The following SMYD3 variants were observed in gnomAD, a reference collection of about 807,000 sequenced individuals.
SMYD3 encodes the protein histone-lysine N-methyltransferase SMYD3.
A neutral mutation model predicts 57.7 loss-of-function variants in SMYD3; 36 were observed. The ratio of observed to expected loss-of-function variants is 0.62; its 90% CI spans 0.48 to 0.82. SMYD3 has a LOEUF of 0.82. Among genes scored for constraint, SMYD3 ranks in the 40% least tolerant of loss-of-function variants. The pLI, the probability that SMYD3 is intolerant of heterozygous loss-of-function variation, is 0.00. For synonymous variants in SMYD3, 211 were observed against 195.0 expected, an observed-to-expected ratio of 1.08 and a Z score of -0.68; for missense variants, 515 against 538.8, an observed-to-expected ratio of 0.96 and a Z score of 0.44.
chr1:245,817,183 C>T (rs570679786), intron 10 of SMYD3, among the ~76,000 whole-genome samples: 27 of 149,260 alleles, frequency 1.8e-4, no homozygotes, highest in African/African-American at 3.0e-4. Context: ...GTTCTCCCAG[C>T]ACGCAGCTGG....
At chr1:246,185,078 G>C (rs112823998) in intron 5 of SMYD3, among the ~76,000 whole-genome samples, 139 of 152,306 alleles carry the variant, frequency 9.1e-4, no homozygotes, top group African/African-American at 3.2e-3. Context: ...AAAAGTCACA[G>C]ACTTCAATAA....
intron 1 of SMYD3, among the ~76,000 whole-genome samples, chr1:246,427,973 G>A (rs1462410438): frequency 6.6e-6 from 1 of 152,148 alleles, no homozygotes; most frequent in East Asian, 1.9e-4. Flanking sequence ...ACATGAAAAT[G>A]GGGGATATCT....
At chr1:246,210,723 CA>C (rs969654680) in intron 5 of SMYD3, among the ~76,000 whole-genome samples, 2 of 150,858 alleles carry the variant, frequency 1.3e-5, no homozygotes, top group African/African-American at 4.9e-5. Context: ...AAAACAAAAA[CA>C]AAAAAAACAG....
At chr1:245,846,667 G>A (rs1052905636) in intron 10 of SMYD3, among the ~76,000 whole-genome samples, 2 of 152,196 alleles carry the variant, frequency 1.3e-5, no homozygotes, top group African/African-American at 2.4e-5. Context: ...AGAAGGACAA[G>A]CAAGTTGCTT....
intron 1 of SMYD3, among the ~76,000 whole-genome samples, chr1:246,448,256 A>G (rs1289086557): frequency 6.6e-6 from 1 of 152,218 alleles, no homozygotes; most frequent in East Asian, 1.9e-4. Flanking sequence ...TGATCACAAT[A>G]CATGATGCTG....
At chr1:246,480,540 T>C (rs1039586859) in intron 1 of SMYD3, among the ~76,000 whole-genome samples, 1 of 152,212 alleles carries the variant, frequency 6.6e-6, no homozygotes, top group Admixed American at 6.5e-5. Flanking sequence ...ACCTCTCTAT[T>C]CAGACACATC....
At chr1:246,017,697 G>A (rs1175736924) in intron 5 of SMYD3, among the ~76,000 whole-genome samples, 1 of 152,132 alleles carries the variant, frequency 6.6e-6, no homozygotes, top group Non-Finnish European at 1.5e-5. Flanking sequence ...CTTCTCCACT[G>A]TGAAGTTTCT....
In SMYD3 at chr1:246,172,921, T is replaced by C. The variant is rs575874814; in HGVS notation, c.531+154280A>G. On this transcript the variant is annotated intron_variant, in intron 5 of 11. Transcript: ENST00000490107. ...ACTGTACTGTAGACTTTATCAACAC[T>C]ACACACTTATGCTACACAGGCCTAG... 4.7e-5 allele frequency among the ~76,000 whole-genome samples: 7 copies of C among 149,946 alleles called. No individual in the cohort carries two copies. The South Asian group carries it at 1.1e-3, about 23-fold the overall frequency.
chr1:246,248,916 A>C (rs979291404), intron 5 of SMYD3, among the ~76,000 whole-genome samples: 1 of 147,094 alleles, frequency 6.8e-6, no homozygotes, highest in African/African-American at 2.5e-5. Context: ...TCAGCCTCCC[A>C]AAGTGCTGGG....
intron 10 of SMYD3, among the ~76,000 whole-genome samples, chr1:245,775,960 A>G (rs2046571615): frequency 1.3e-5 from 2 of 152,192 alleles, no homozygotes; most frequent in East Asian, 1.9e-4. Context: ...ATATGGGCAA[A>G]TCTATGAATA....
intron 5 of SMYD3, among the ~76,000 whole-genome samples, chr1:245,964,937 C>T (rs568551688): frequency 6.6e-5 from 10 of 151,604 alleles, no homozygotes; most frequent in Admixed American, 2.0e-4. Context: ...TGAGAAATTC[C>T]CCAAATTAAT....
chr1:246,450,008 C>A (rs2067607911), intron 1 of SMYD3, among the ~76,000 whole-genome samples: 1 of 152,156 alleles, frequency 6.6e-6, no homozygotes. Context: ...CATCAACAGG[C>A]CGGGCATGGT....
rs369075684 is a variant in SMYD3, at chr1:246,307,531, T to C, written c.531+19670A>G. Among the ~76,000 whole-genome samples the C allele has an allele frequency of 2.0e-3, 301 of 149,108 alleles. 2 individuals are homozygous for C. Among genetic ancestry groups the C allele is most frequent in the African/African-American group, 7.1e-3 (287 of 40,642 alleles). The stretch of plus-strand genomic sequence containing the variant: ...GCCTCCCGGGTTCACGCCATTCTCC[T>C]GCCTCAGCCTCCCGAGTAGCTGGGA... On this transcript the variant is annotated intron_variant, in intron 5 of 11. Coordinates refer to ENST00000490107, the MANE Select transcript of SMYD3 (RefSeq NM_001167740.2).
intron 5 of SMYD3, among the ~76,000 whole-genome samples, chr1:246,189,845 C>T (rs1015609530): frequency 7.9e-5 from 12 of 152,166 alleles, no homozygotes; most frequent in South Asian, 2.1e-4. Flanking sequence ...GGCACAGCAA[C>T]GGCAAAATAC....
rs936592893 is a variant in SMYD3, at chr1:245,957,083, T to C, written c.532-27146A>G. Among the ~76,000 whole-genome samples, 5 of 152,188 alleles carry C rather than the reference T, an allele frequency of 3.3e-5. No individual in the cohort carries two copies. The South Asian group carries it at 1.0e-3, about 32-fold the overall frequency. On this transcript the variant is annotated intron_variant, in intron 5 of 11. Coordinates refer to ENST00000490107, the MANE Select transcript of SMYD3 (RefSeq NM_001167740.2). ...ATACCAAACCACCAATAGGCATGTA[T>C]TCATCTGCAGCACCAGCCAACTACT... is the stretch of plus-strand genomic sequence containing the variant.
chr1:246,326,090 T>C (rs2065344536), intron 5 of SMYD3: 2 of 302,340 alleles, frequency 6.6e-6, no homozygotes, highest in Admixed American at 4.9e-5. Context: ...TGAGAAAAAC[T>C]GGAATAAATC....
rs1486622535 is a variant in SMYD3 at position 245,927,999 on chromosome 1, A to T, written c.634T>A (p.Cys212Ser). The T allele has an allele frequency of 6.2e-7, 1 of 1,612,496 alleles. No homozygotes were observed. ...TGGGGCCCATTGAACACAATCGAAC[A>T]GTTGGGGTCACAGCTGTGATTGAGC... Reference protein sequence around the residue: ...SLLNHSCDPNCSIVFNGPHLL... With the variant: ...SLLNHSCDPNSSIVFNGPHLL... The change falls in exon 7 of 12, where the codon TGT becomes AGT. Residue 212 changes from cysteine (C) to serine (S), a missense_variant. Physicochemically the swap from Cys to Ser is moderately radical, Grantham distance 112 (BLOSUM62 -1). Transcript: ENST00000490107.
rs73139832 is a variant in SMYD3, at chr1:246,090,239, C to T, written c.532-160302G>A. On this transcript the variant is annotated intron_variant, in intron 5 of 11. Transcript: ENST00000490107. ...ATATATGAATGGCCAAACTGTCCAA[C>T]ATACATAATCCTTGCATAAGCACCC... Among the ~76,000 whole-genome samples, 1,468 of 152,252 alleles carry T rather than the reference C, an allele frequency of 9.6e-3. 19 individuals are homozygous for T. Among genetic ancestry groups the T allele is most frequent in the African/African-American group, 0.033 (1,373 of 41,542 alleles).
chr1:245,879,503 G>A, intron 8 of SMYD3, among the ~76,000 whole-genome samples: 1 of 152,228 alleles, frequency 6.6e-6, no homozygotes, highest in Non-Finnish European at 1.5e-5. Flanking sequence ...CAACGAGAAA[G>A]CATGGAAGAG....
Sources: allele counts gnomAD v4.1 joint callset (sites outside exome capture counted in the v4.1 genomes callset), GRCh38; gene constraint gnomAD v4.1.1; transcripts MANE v1.5; gene names NCBI Gene and HGNC (gene_info 2026-07-23, HGNC 2026-07-21).